Variants in KCNJ3 observed in about 807,000 individuals in gnomAD.
KCNJ3 encodes potassium inwardly rectifying channel subfamily J member 3, also known as G protein-activated inward rectifier potassium channel 1.
A neutral mutation model predicts 39.2 loss-of-function variants in KCNJ3; 4 were observed. The observed-to-expected ratio is 0.10, with a 90% CI of 0.05 to 0.23. The LOEUF is 0.23. Among genes scored for constraint, KCNJ3 ranks in the 10% least tolerant of loss-of-function variants. The pLI is 1.00. For synonymous variants in KCNJ3, 230 were observed against 237.4 expected (o/e 0.97, Z 0.29); for missense variants, 276 against 634.9 (o/e 0.43, Z 6.08).
chr2:154,806,555 G>A (rs1350022006), intron 2 of KCNJ3, among the ~76,000 whole-genome samples: 1 of 152,144 alleles, frequency 6.6e-6, no homozygotes, highest in Non-Finnish European at 1.5e-5. Flanking sequence ...AGTATCAAGA[G>A]ACAAATAAGC....
intron 1 of KCNJ3, among the ~76,000 whole-genome samples, chr2:154,708,205 A>T (rs1348208458): frequency 6.6e-6 from 1 of 152,076 alleles, no homozygotes; most frequent in Non-Finnish European, 1.5e-5. Flanking sequence ...ATCCGTGAAT[A>T]TTTCTAACTG....
chr2:154,827,012 G>A (rs1200929595), intron 2 of KCNJ3, among the ~76,000 whole-genome samples: 2 of 152,162 alleles, frequency 1.3e-5, no homozygotes, highest in Non-Finnish European at 2.9e-5. Flanking sequence ...GCAGGTCAGA[G>A]TGTGTGTGTC....
intron 2 of KCNJ3, among the ~76,000 whole-genome samples, chr2:154,772,695 G>A (rs1686262891): frequency 6.6e-6 from 1 of 152,076 alleles, no homozygotes; most frequent in Non-Finnish European, 1.5e-5. Flanking sequence ...CATTAACTGA[G>A]AAAATAAGAT....
At chr2:154,703,302 A>G (rs1171467529) in intron 1 of KCNJ3, among the ~76,000 whole-genome samples, 1 of 152,102 alleles carries the variant, frequency 6.6e-6, no homozygotes, top group Non-Finnish European at 1.5e-5. Flanking sequence ...TTCTGGAAGC[A>G]TAATGTTACT....
intron 2 of KCNJ3, among the ~76,000 whole-genome samples, chr2:154,831,160 A>AGTCT (rs1195468742): frequency 6.6e-6 from 1 of 152,168 alleles, no homozygotes; most frequent in Admixed American, 6.5e-5. Flanking sequence ...TGCAAAACAC[A>AGTCT]GTCTCATAAG....
At chr2:154,796,668 T>A (rs1686725272) in intron 2 of KCNJ3, among the ~76,000 whole-genome samples, 1 of 152,090 alleles carries the variant, frequency 6.6e-6, no homozygotes, top group South Asian at 2.1e-4. Context: ...TATGAAAAAG[T>A]ATGCTATATA....
intron 2 of KCNJ3, among the ~76,000 whole-genome samples, chr2:154,753,628 T>C (rs1685886035): frequency 6.6e-6 from 1 of 152,196 alleles, no homozygotes; most frequent in Non-Finnish European, 1.5e-5. Flanking sequence ...GTTTTAAAAT[T>C]ACATTTAAAA....
chr2:154,699,935 G>A lies in KCNJ3; in HGVS notation c.702+458G>A, dbSNP rs546791813. Among the ~76,000 whole-genome samples the A allele has an allele frequency of 1.3e-5, 2 of 152,044 alleles. No individual in the cohort carries two copies. Among genetic ancestry groups the A allele is most frequent in the South Asian group, 4.1e-4 (2 of 4,820 alleles). Reference sequence around the variant, plus strand: ...GAACTTGCCTCAACTTTCACGATGGGCTTTTCTTATTTTTTTCTTTCCTTT... The same window carrying A: ...GAACTTGCCTCAACTTTCACGATGGACTTTTCTTATTTTTTTCTTTCCTTT... On this transcript the variant is annotated intron_variant, in intron 1 of 2. Transcript: ENST00000295101. This position sits in a 1 kb window ranked among gnomAD's most constrained non-coding sequence, Gnocchi z 6.4.
intron 2 of KCNJ3, among the ~76,000 whole-genome samples, chr2:154,770,645 A>C (rs1686223402): frequency 6.6e-6 from 1 of 152,054 alleles, no homozygotes; most frequent in African/African-American, 2.4e-5. Flanking sequence ...AATTTTGAGA[A>C]GTACTTAAGA....
At chr2:154,710,053 A>G (rs944183826) in intron 2 of KCNJ3, among the ~76,000 whole-genome samples, 2 of 152,160 alleles carry the variant, frequency 1.3e-5, no homozygotes, top group African/African-American at 4.8e-5. Flanking sequence ...GTAAAAAAAA[A>G]GTGGGATGAC....
chr2:154,801,081 G>A (rs980667265), intron 2 of KCNJ3, among the ~76,000 whole-genome samples: 11 of 152,114 alleles, frequency 7.2e-5, no homozygotes, highest in Non-Finnish European at 2.9e-5. Context: ...TATTAACCTG[G>A]TGTACTCTGG....
intron 2 of KCNJ3, among the ~76,000 whole-genome samples, chr2:154,712,925 T>G (rs1271587564): frequency 1.3e-5 from 2 of 151,920 alleles, no homozygotes; most frequent in African/African-American, 4.8e-5. Context: ...TTTGGTCCAG[T>G]CTGGGGGAAG....
intron 2 of KCNJ3, among the ~76,000 whole-genome samples, chr2:154,734,618 G>T (rs916955584): frequency 1.3e-5 from 2 of 152,134 alleles, no homozygotes; most frequent in Non-Finnish European, 2.9e-5. Context: ...ATGGAGAAGT[G>T]CCTGTGTTTC....
At chr2:154,811,559 TG>T (rs1440042813) in intron 2 of KCNJ3, among the ~76,000 whole-genome samples, 1 of 152,174 alleles carries the variant, frequency 6.6e-6, no homozygotes, top group African/African-American at 2.4e-5. Context: ...CCCAAAGTGC[TG>T]GGATTACAGG....
intron 2 of KCNJ3, among the ~76,000 whole-genome samples, chr2:154,807,708 T>C (rs952495830): frequency 2.0e-5 from 3 of 152,130 alleles, no homozygotes; most frequent in Admixed American, 1.3e-4. Context: ...CTTGGTAAAC[T>C]TAGAGACTGG....
intron 2 of KCNJ3, among the ~76,000 whole-genome samples, chr2:154,730,795 C>G (rs543443036): frequency 1.9e-4 from 29 of 152,116 alleles, no homozygotes; most frequent in Admixed American, 1.8e-3. Flanking sequence ...TGAATCTCAT[C>G]ATAGATTAAA....
At chr2:154,717,984 T>C (rs1171583028) in intron 2 of KCNJ3, among the ~76,000 whole-genome samples, 8 of 152,216 alleles carry the variant, frequency 5.3e-5, no homozygotes, top group Admixed American at 1.3e-4. Context: ...CTCCTCACTC[T>C]TGTTATAGCC....
intron 2 of KCNJ3, among the ~76,000 whole-genome samples, chr2:154,781,375 G>T (rs1176373872): frequency 6.6e-6 from 1 of 152,084 alleles, no homozygotes. Context: ...CTGCCATCTT[G>T]TGCTCAATTA....
intron 2 of KCNJ3, among the ~76,000 whole-genome samples, chr2:154,750,821 A>T (rs1006060118): frequency 6.6e-6 from 1 of 152,062 alleles, no homozygotes; most frequent in African/African-American, 2.4e-5. Flanking sequence ...AATAACAGTG[A>T]AAATTCTCAT....
Sources: gnomAD v4.1 joint callset for allele counts (sites outside exome capture counted in the v4.1 genomes callset) on GRCh38, gnomAD v4.1.1 for gene constraint, Gnocchi (gnomAD v3.1) non-coding constraint, MANE v1.5 for transcripts, NCBI Gene and HGNC (gene_info 2026-07-23, HGNC 2026-07-21) for gene names.